MACF1: variants seen among roughly 807,000 people sequenced by gnomAD.
MACF1 encodes the protein microtubule actin crosslinking factor 1.
In MACF1, 193 loss-of-function variants were observed where a neutral mutation model predicts 854.8. The ratio of observed to expected loss-of-function variants is 0.23; its 90% CI spans 0.20 to 0.25. The LOEUF (loss-of-function observed/expected upper bound fraction) is 0.25. MACF1 is among the 10% of genes least tolerant of loss of function. The pLI, the probability that MACF1 is intolerant of heterozygous loss-of-function variation, is 1.00. For missense variants in MACF1, 7,722 were observed against 8,929.1 expected (o/e 0.86, Z 5.45); for synonymous variants, 3,185 against 3,226.7 (o/e 0.99, Z 0.44).
rs770150703 is a variant in MACF1 at position 39,302,973 on chromosome 1, G to A, written c.2684G>A (p.Arg895Gln). 10 of 1,614,010 alleles carry A rather than the reference G, an allele frequency of 6.2e-6. No individual in the cohort carries two copies. The highest frequency in any genetic ancestry group is 5.0e-5 in the Admixed American group (3 of 60,000). The change falls in exon 23 of 101, where the codon CGG becomes CAG. Residue 895 changes from arginine (R) to glutamine (Q), a missense_variant. By Grantham distance (43) the Arg-to-Gln change is conservative (BLOSUM62 1). Coordinates refer to ENST00000564288, the MANE Select transcript of MACF1 (RefSeq NM_001394062.1). The part of the protein sequence containing the change: ...DECVLEDNSQ[R>Q]TKWKVISPTG... ...TGTGTGCTAGAAGATAATTCTCAGC[G>A]GACCAAATGGAAAGTGATCAGCCCC...
At chr1:39,310,719 T>C in intron 25 of MACF1, 112 bp from the exon 26 acceptor site, 1 of 1,090,964 alleles carries the variant, frequency 9.2e-7, no homozygotes, top group Admixed American at 2.9e-5. Flanking sequence ...TAGGATCAGG[T>C]AGGATTAGGC....
At chr1:39,250,321 G>A (rs1250732529) in intron 3 of MACF1, 4 of 341,550 alleles carry the variant, frequency 1.2e-5, no homozygotes, top group Non-Finnish European at 2.1e-5. Flanking sequence ...ATTTCTTGAT[G>A]AAATGAGAAA....
chr1:39,246,712 A>G (rs1441515811), intron 2 of MACF1, among the ~76,000 whole-genome samples: 1 of 151,562 alleles, frequency 6.6e-6, no homozygotes, highest in African/African-American at 2.4e-5. Context: ...GTTTCACCAT[A>G]TTGGCCAGAC....
intron 2 of MACF1, among the ~76,000 whole-genome samples, chr1:39,130,545 A>T (rs1468255778): frequency 6.6e-6 from 1 of 152,110 alleles, no homozygotes; most frequent in Non-Finnish European, 1.5e-5. Context: ...CACTCATCTC[A>T]TTGTTCAGAT....
intron 97 of MACF1, among the ~76,000 whole-genome samples, chr1:39,477,694 G>A (rs537351469): frequency 4.6e-5 from 7 of 152,136 alleles, no homozygotes; most frequent in Admixed American, 3.3e-4. Flanking sequence ...GGGGTCGGGG[G>A]ACAAAGAGGA....
chr1:39,337,812 C>G (rs1203594462), intron 38 of MACF1, among the ~76,000 whole-genome samples: 1 of 150,470 alleles, frequency 6.6e-6, no homozygotes, highest in Non-Finnish European at 1.5e-5. Context: ...CTCTGTTGCC[C>G]AGGCTGGAGT....
intron 1 of MACF1, chr1:39,206,610 A>G (rs934884590): frequency 5.3e-5 from 8 of 152,202 alleles, no homozygotes; most frequent in African/African-American, 1.9e-4. Context: ...TGAAATAAAA[A>G]GATACATTGT....
intron 2 of MACF1, among the ~76,000 whole-genome samples, chr1:39,101,654 C>A (rs1305141936): frequency 6.7e-6 from 1 of 150,182 alleles, no homozygotes; most frequent in Non-Finnish European, 1.5e-5. Context: ...GAAACCCTTT[C>A]TCTACTAAAA....
chr1:39,344,050 G>A (rs1352127240), intron 40 of MACF1, among the ~76,000 whole-genome samples: 1 of 151,494 alleles, frequency 6.6e-6, no homozygotes, highest in African/African-American at 2.4e-5. Flanking sequence ...GGGAGGCAGA[G>A]GTTGTGGTGA....
chr1:39,366,424 C>G (rs1225664117), intron 49 of MACF1, among the ~76,000 whole-genome samples: 1 of 152,020 alleles, frequency 6.6e-6, no homozygotes, highest in African/African-American at 2.4e-5. Flanking sequence ...TCCTCAAACT[C>G]CTGGGCTCAA....
Position 39,357,358 on chromosome 1 carries a change from G to A in MACF1, c.11425-17G>A. ...CCTACTGATTGTCCTTTGTTTGGGG[G>A]GATTTTTTTTTACCAGGCCCGTCAC... is the stretch of plus-strand genomic sequence containing the variant. On this transcript the variant is annotated splice_polypyrimidine_tract_variant and intron_variant, in intron 44 of 100. Coordinates refer to ENST00000564288, the MANE Select transcript of MACF1 (RefSeq NM_001394062.1). 1 of 1,601,350 alleles carries A rather than the reference G, an allele frequency of 6.2e-7. No homozygotes were observed. Among genetic ancestry groups the A allele is most frequent in the Admixed American group, 1.7e-5 (1 of 57,918 alleles).
At chr1:39,210,788 C>T (rs1325175451) in intron 1 of MACF1, among the ~76,000 whole-genome samples, 1 of 152,126 alleles carries the variant, frequency 6.6e-6, no homozygotes, top group Non-Finnish European at 1.5e-5. Context: ...AGTCAGATTG[C>T]CTATGTTTTT....
Position 39,340,602 on chromosome 1 carries a change from A to G in MACF1, c.10316A>G (p.Gln3439Arg), listed in dbSNP as rs1388092933. The change falls in exon 39 of 101, where the codon CAA (glutamine) becomes CGA (arginine). Residue 3439 changes from glutamine to arginine, a missense_variant. By Grantham distance (43) the Gln-to-Arg change is conservative (BLOSUM62 1). Around this residue, in one of 15 missense-constraint regions of MACF1, gnomAD observed 854 missense variants for 852.6 expected, o/e 1.00. Transcript: ENST00000564288. ...IISQPQEVPA[Q>R]LLKALEKDAK... is the part of the protein sequence containing the mutation. The stretch of plus-strand genomic sequence containing the variant: ...AGCCAGCCTCAAGAAGTTCCTGCTC[A>G]ACTGTTGAAGGCTCTAGAGAAAGAT... 2.5e-6 allele frequency: 4 copies of G among 1,614,102 alleles called. No homozygotes were observed. The highest frequency in any genetic ancestry group is 3.4e-6 in the Non-Finnish European group (4 of 1,180,042).
Position 39,433,050 on chromosome 1 carries a change from T to A in MACF1, c.17460T>A (p.Ala5820=). The part of the protein sequence containing the change: ...QTTAQLQVQK[A]FSIDIIRHKD... ...TAACTACAGTTTACTTTTCAAAGGC[T>A]TTCTCCATTGACATTATTCGACACA... Residue 5820 remains alanine, a splice_region_variant and synonymous_variant, in exon 68 of 101, where the codon GCT becomes GCA. Coordinates refer to ENST00000564288, the MANE Select transcript of MACF1 (RefSeq NM_001394062.1). 1 of 1,594,422 alleles carries A rather than the reference T, an allele frequency of 6.3e-7. No individual in the cohort carries two copies. Among genetic ancestry groups the A allele is most frequent in the South Asian group, 1.1e-5 (1 of 89,558 alleles).
In MACF1 at chr1:39,285,146, G is replaced by C; in HGVS notation, c.1195G>C (p.Glu399Gln). The C allele has an allele frequency of 6.2e-7, 1 of 1,614,226 alleles. No individual in the cohort carries two copies. The highest frequency in any genetic ancestry group is 8.5e-7 in the Non-Finnish European group (1 of 1,180,046). ...QGYHPNDVEE[E>Q]WGKLIIEMLE... ...TTATCACCCTAATGATGTGGAAGAA[G>C]AGTGGGGAAAGCTCATCATAGAGAT... The change falls in exon 12 of 101, where the codon GAG (glutamate) becomes CAG (glutamine). Residue 399 changes from glutamate to glutamine, a missense_variant. Physicochemically the swap from Glu to Gln is conservative, Grantham distance 29. Around this residue, in one of 15 missense-constraint regions of MACF1, gnomAD observed 1,137 missense variants for 1,263.0 expected, o/e 0.90. Transcript: ENST00000564288.
At chr1:39,282,458 C>G in intron 7 of MACF1, 84 bp downstream of exon 7, 1 of 1,335,852 alleles carries the variant, frequency 7.5e-7, no homozygotes, top group Non-Finnish European at 1.0e-6. Flanking sequence ...TTTCCATCTC[C>G]TCAATCAAAA....
intron 2 of MACF1, among the ~76,000 whole-genome samples, chr1:39,091,578 C>G (rs949651200): frequency 6.6e-6 from 1 of 152,154 alleles, no homozygotes; most frequent in African/African-American, 2.4e-5. Flanking sequence ...TTACTGCAGC[C>G]TCCACCTCCC....
chr1:39,443,043 G>A (rs926622776), intron 78 of MACF1, 132 bp downstream of exon 78: 1 of 845,448 alleles, frequency 1.2e-6, no homozygotes, highest in Non-Finnish European at 1.8e-6. Context: ...ATACTGTGCT[G>A]TAACTTATCT....
Position 39,451,158 on chromosome 1 carries a change from C to G in MACF1, c.20365C>G (p.Gln6789Glu). 6.2e-7 allele frequency: 1 copy of G among 1,614,158 alleles called. No homozygotes were observed. Among genetic ancestry groups the G allele is most frequent in the Non-Finnish European group, 8.5e-7 (1 of 1,180,008 alleles). The change falls in exon 85 of 101, where the codon CAG becomes GAG. Residue 6789 changes from glutamine to glutamate, a missense_variant. Physicochemically the swap from Gln to Glu is conservative, Grantham distance 29. This residue lies in a region of MACF1 where 729 missense variants were observed against 900.5 expected (regional missense o/e 0.81). Transcript: ENST00000564288. ...YKVEPQLAEDQPVHGDLDLVM... is the reference protein window; with the variant it reads ...YKVEPQLAEDEPVHGDLDLVM... ...GGTGGAGCCACAGCTGGCTGAGGAC[C>G]AGCCCGTGCACGGGGACCTTGACCT...
Sources: gnomAD v4.1 joint callset for allele counts (sites outside exome capture counted in the v4.1 genomes callset) on GRCh38, gnomAD v4.1.1 for gene constraint, gnomAD v4.1.1 regional missense constraint, MANE v1.5 for transcripts, NCBI Gene and HGNC (gene_info 2026-07-23, HGNC 2026-07-21) for gene names.